TRABD2B: variants seen among roughly 807,000 people sequenced by gnomAD.
TRABD2B encodes TraB domain containing 2B.
TRABD2B carries 14 observed loss-of-function variants against 40.1 expected under a neutral mutation model. The ratio of observed to expected loss-of-function variants is 0.35; its 90% CI spans 0.23 to 0.55. TRABD2B has a LOEUF of 0.55. TRABD2B is among the 20% of genes least tolerant of loss of function. TRABD2B has a pLI of 0.90. For missense variants in TRABD2B, 541 were observed against 648.6 expected, an observed-to-expected ratio of 0.83 and a Z score of 1.80; for synonymous variants, 263 against 277.0, an observed-to-expected ratio of 0.95 and a Z score of 0.50.
intron 2 of TRABD2B, among the ~76,000 whole-genome samples, chr1:47,889,814 C>A (rs981285445): frequency 6.6e-6 from 1 of 152,232 alleles, no homozygotes; most frequent in Non-Finnish European, 1.5e-5. Flanking sequence ...ACAACCTTTA[C>A]CCTCTCTGAG....
At chr1:47,929,540 C>T (rs1272127635) in intron 2 of TRABD2B, among the ~76,000 whole-genome samples, 2 of 152,198 alleles carry the variant, frequency 1.3e-5, no homozygotes, top group African/African-American at 4.8e-5. Context: ...ATAAAAGTGT[C>T]ATCTCCCTCA....
intron 2 of TRABD2B, chr1:47,819,133 T>C (rs977252054): frequency 2.0e-5 from 3 of 152,310 alleles, no homozygotes; most frequent in Non-Finnish European, 4.4e-5. Flanking sequence ...TAGCCTCCAA[T>C]ACAATCTAGC....
At chr1:47,965,236 T>TGGGG (rs1645585082) in intron 2 of TRABD2B, among the ~76,000 whole-genome samples, 2 of 3,262 alleles carry the variant, frequency 6.1e-4, no homozygotes, top group African/African-American at 1.3e-3. Flanking sequence ...GGGGGGTGGA[T>TGGGG]GGGGAGGTGG....
intron 2 of TRABD2B, among the ~76,000 whole-genome samples, chr1:47,939,140 C>G (rs574479221): frequency 4.4e-4 from 67 of 152,106 alleles, no homozygotes; most frequent in African/African-American, 1.5e-3. Context: ...CCAACCCCCC[C>G]ACCCCCAGGA....
At position 47,765,774 on chromosome 1, in the gene TRABD2B, T is replaced by C; in HGVS notation, c.*128A>G. ...TTGGGTACAGTAAAGCTCTAGAGTG[T>C]CTAGCCAATCCCATGTGGACTGCCC... On this transcript the variant is annotated 3_prime_UTR_variant, in exon 7 of 7. Coordinates refer to ENST00000606738, the MANE Select transcript of TRABD2B (RefSeq NM_001194986.2). The C allele has an allele frequency of 1.4e-6, 1 of 698,572 alleles. No individual in the cohort carries two copies. Among genetic ancestry groups the C allele is most frequent in the Non-Finnish European group, 2.6e-6 (1 of 383,520 alleles). The allele number at this position is 698,572 out of a possible 1,614,324, so 43.3% of individuals were successfully genotyped here. A position where few individuals can be genotyped will look rare whatever the true frequency, so the allele number is the denominator to read the frequency against.
At chr1:47,824,175 A>G (rs1645145875) in intron 2 of TRABD2B, among the ~76,000 whole-genome samples, 1 of 152,080 alleles carries the variant, frequency 6.6e-6, no homozygotes, top group African/African-American at 2.4e-5. Flanking sequence ...TAAGGACATC[A>G]CCCAGCACAG....
intron 2 of TRABD2B, among the ~76,000 whole-genome samples, chr1:47,809,052 C>T (rs1386890767): frequency 1.3e-5 from 2 of 152,144 alleles, no homozygotes; most frequent in Non-Finnish European, 2.9e-5. Flanking sequence ...TTGCTCCCTG[C>T]CCAGGATCCC....
At chr1:47,860,534 T>C (rs1200155490) in intron 2 of TRABD2B, among the ~76,000 whole-genome samples, 14 of 152,174 alleles carry the variant, frequency 9.2e-5, no homozygotes, top group Admixed American at 8.5e-4. Context: ...ACAAATGACA[T>C]AGGGACCTGG....
chr1:47,768,410 G>A (rs748732755), intron 6 of TRABD2B, among the ~76,000 whole-genome samples: 2 of 151,998 alleles, frequency 1.3e-5, no homozygotes, highest in South Asian at 2.1e-4. Flanking sequence ...ACCCCATGCC[G>A]GCCTGATCTG....
At chr1:47,817,598 C>T (rs910033602) in intron 2 of TRABD2B, among the ~76,000 whole-genome samples, 25 of 152,226 alleles carry the variant, frequency 1.6e-4, no homozygotes, top group African/African-American at 6.0e-4. Flanking sequence ...GTGAAGAGGA[C>T]CTTCCGTCTC....
chr1:47,778,562 A>T lies in TRABD2B; in HGVS notation c.989-18T>A, dbSNP rs1644478620. ...AAAGTGACCTGGAACACAAGTGACAAAAGGGGCTCAGCCACATGCCAGGCC... is the reference window on the plus strand; with the variant it reads ...AAAGTGACCTGGAACACAAGTGACATAAGGGGCTCAGCCACATGCCAGGCC... On this transcript the variant is annotated intron_variant, in intron 4 of 6. Coordinates refer to ENST00000606738, the MANE Select transcript of TRABD2B (RefSeq NM_001194986.2). The T allele has an allele frequency of 6.5e-7, 1 of 1,529,458 alleles. No homozygotes were observed. Among genetic ancestry groups the T allele is most frequent in the African/African-American group, 1.4e-5 (1 of 72,930 alleles). 94.7% of individuals were successfully genotyped at this position (1,529,458 alleles called of 1,614,324 possible).
chr1:47,989,983 T>C (rs1048257126), intron 2 of TRABD2B, among the ~76,000 whole-genome samples: 5 of 152,190 alleles, frequency 3.3e-5, no homozygotes, highest in Non-Finnish European at 5.9e-5. Context: ...ATAAATCTTG[T>C]TGCATCTCTG....
At chr1:47,865,913 T>G (rs1314383588) in intron 2 of TRABD2B, among the ~76,000 whole-genome samples, 1 of 152,088 alleles carries the variant, frequency 6.6e-6, no homozygotes, top group East Asian at 1.9e-4. Context: ...CCACTTATTC[T>G]CTGTTGCCCA....
chr1:47,775,331 G>A lies in TRABD2B; in HGVS notation c.1188C>T (p.Ala396=). The A allele has an allele frequency of 3.2e-6, 4 of 1,243,278 alleles. No individual in the cohort carries two copies. Among genetic ancestry groups the A allele is most frequent in the Non-Finnish European group, 3.0e-6 (3 of 991,902 alleles). 77.0% of individuals were successfully genotyped at this position (1,243,278 alleles called of 1,614,324 possible). A position where few individuals can be genotyped will look rare whatever the true frequency, so the allele number is the denominator to read the frequency against. The change falls in exon 6 of 7, where the codon GCC becomes GCT. Residue 396 remains alanine (A), a synonymous_variant. Coordinates refer to ENST00000606738, the MANE Select transcript of TRABD2B (RefSeq NM_001194986.2). The part of the protein sequence containing the change: ...VPEAPSVTPT[A]PPEDEDPALS... ...GGGCTGGATCCTCATCCTCTGGTGGGGCGGTGGGGGTCACAGAGGGTGCTT... is the reference window on the plus strand; with the variant it reads ...GGGCTGGATCCTCATCCTCTGGTGGAGCGGTGGGGGTCACAGAGGGTGCTT...
intron 2 of TRABD2B, among the ~76,000 whole-genome samples, chr1:47,954,009 A>C (rs1444381558): frequency 6.6e-6 from 1 of 152,260 alleles, no homozygotes; most frequent in Admixed American, 6.5e-5. Context: ...CATTTAATTC[A>C]AACTGGCATT....
chr1:47,847,951 G>A (rs977222205), intron 2 of TRABD2B, among the ~76,000 whole-genome samples: 3 of 152,166 alleles, frequency 2.0e-5, no homozygotes, highest in Admixed American at 6.5e-5. Flanking sequence ...GACATGGGGC[G>A]GGGCTGACGC....
chr1:47,994,654 G>A lies in TRABD2B; in HGVS notation c.103-57C>T, dbSNP rs1470392242. The A allele has an allele frequency of 6.1e-6, 9 of 1,468,034 alleles. No homozygotes were observed. The highest frequency in any genetic ancestry group is 1.3e-5 in the South Asian group (1 of 75,116). The allele number at this position is 1,468,034 out of a possible 1,614,324, so 90.9% of individuals were successfully genotyped here. On this transcript the variant is annotated intron_variant, in intron 1 of 6. Coordinates refer to ENST00000606738, the MANE Select transcript of TRABD2B (RefSeq NM_001194986.2). The surrounding 1 kb of genome is among the most constrained non-coding windows in gnomAD (Gnocchi z 6.7). ...GGCCGAAGGCAACAGAGTAGAGTCAGGGTAGCCCAGAGGCACGTTGCAGAG... is the reference window on the plus strand; with the variant it reads ...GGCCGAAGGCAACAGAGTAGAGTCAAGGTAGCCCAGAGGCACGTTGCAGAG...
At chr1:47,891,239 C>T (rs570559666) in intron 2 of TRABD2B, among the ~76,000 whole-genome samples, 1 of 152,264 alleles carries the variant, frequency 6.6e-6, no homozygotes, top group East Asian at 1.9e-4. Context: ...ATGAGTCAAA[C>T]AAAGTTCCAG....
chr1:47,793,579 T>C (rs566029961), intron 4 of TRABD2B, among the ~76,000 whole-genome samples: 1 of 152,318 alleles, frequency 6.6e-6, no homozygotes, highest in East Asian at 1.9e-4. Context: ...TGGCACCAGG[T>C]GTGGTGAGCA....
Sources: allele counts gnomAD v4.1 joint callset (sites outside exome capture counted in the v4.1 genomes callset), GRCh38; gene constraint gnomAD v4.1.1; non-coding constraint Gnocchi (gnomAD v3.1); transcripts MANE v1.5; gene names NCBI Gene and HGNC (gene_info 2026-07-23, HGNC 2026-07-21).